The following TMEM131L variants were observed in gnomAD, a reference collection of about 807,000 sequenced individuals.
TMEM131L encodes the protein transmembrane protein 131-like.
Under a neutral mutation model 192.2 loss-of-function variants are expected in TMEM131L, and 54 were observed. The observed-to-expected ratio is 0.28, with a 90% CI of 0.23 to 0.35. The LOEUF (loss-of-function observed/expected upper bound fraction) is 0.35. Among genes scored for constraint, TMEM131L ranks in the 10% least tolerant of loss-of-function variants. The pLI is 1.00. For missense variants in TMEM131L, 1,888 were observed against 1,972.9 expected (o/e 0.96, Z 0.82); for synonymous variants, 701 against 704.9 (o/e 0.99, Z 0.09).
At chr4:153,581,343 A>C in intron 8 of TMEM131L, 64 bp from the exon 9 acceptor site, 1 of 1,345,636 alleles carries the variant, frequency 7.4e-7, no homozygotes, top group Non-Finnish European at 1.0e-6. Flanking sequence ...TTTCCTCCAT[A>C]GTTTGAAACC....
chr4:153,621,273 C>A (rs1733380682), intron 27 of TMEM131L, among the ~76,000 whole-genome samples: 1 of 152,104 alleles, frequency 6.6e-6, no homozygotes, highest in Non-Finnish European at 1.5e-5. Flanking sequence ...AGCCACTGAC[C>A]CACCTGCGCT....
chr4:153,503,823 G>A (rs1188161277), intron 3 of TMEM131L, among the ~76,000 whole-genome samples: 3 of 152,174 alleles, frequency 2.0e-5, no homozygotes, highest in Non-Finnish European at 4.4e-5. Flanking sequence ...GTAAGGTTAT[G>A]TTTTACAAAA....
chr4:153,539,454 C>T (rs1160428438), intron 3 of TMEM131L, among the ~76,000 whole-genome samples: 4 of 148,242 alleles, frequency 2.7e-5, no homozygotes, highest in Admixed American at 6.7e-5. Context: ...AAGGTTTCTG[C>T]TGCATTCCGT....
intron 3 of TMEM131L, among the ~76,000 whole-genome samples, chr4:153,505,054 A>C (rs1163923115): frequency 2.0e-5 from 3 of 151,498 alleles, no homozygotes; most frequent in African/African-American, 7.3e-5. Flanking sequence ...ATGTCTTCAC[A>C]TAGTTTTCCC....
intron 26 of TMEM131L, 94 bp from the exon 27 acceptor site, chr4:153,620,662 T>G (rs937783499): frequency 4.5e-5 from 34 of 756,572 alleles, no homozygotes; most frequent in Admixed American, 3.9e-5. Context: ...CACTGGGACA[T>G]TCTGAATTCA....
chr4:153,622,800 A>G (rs568449702), intron 28 of TMEM131L, 98 bp from the exon 29 acceptor site: 451 of 1,169,228 alleles, frequency 3.9e-4, no homozygotes, highest in Admixed American at 5.4e-4. Context: ...CTGAAGGTGA[A>G]CCTGGCCCTA....
At chr4:153,613,214 A>C (rs1032629827) in intron 26 of TMEM131L, among the ~76,000 whole-genome samples, 1 of 152,240 alleles carries the variant, frequency 6.6e-6, no homozygotes, top group African/African-American at 2.4e-5. Flanking sequence ...TAGAAGTTCA[A>C]ATAAACACGC....
intron 26 of TMEM131L, among the ~76,000 whole-genome samples, chr4:153,619,779 T>C (rs1393760781): frequency 6.6e-6 from 1 of 152,220 alleles, no homozygotes; most frequent in Non-Finnish European, 1.5e-5. Context: ...GGGCCAACCT[T>C]CTGAAAGAGA....
At chr4:153,534,211 T>A (rs1386210083) in intron 3 of TMEM131L, among the ~76,000 whole-genome samples, 1 of 152,142 alleles carries the variant, frequency 6.6e-6, no homozygotes, top group Admixed American at 6.5e-5. Flanking sequence ...TAGACCAAAA[T>A]CTAGTGGACC....
intron 3 of TMEM131L, among the ~76,000 whole-genome samples, chr4:153,507,788 C>T (rs1011964721): frequency 7.9e-5 from 12 of 152,006 alleles, no homozygotes; most frequent in Non-Finnish European, 1.3e-4. Context: ...GCTTCCTCAT[C>T]GTAATACAGC....
Position 153,621,783 on chromosome 4 carries a change from A to C in TMEM131L, c.3793A>C (p.Thr1265Pro). The C allele has an allele frequency of 6.2e-7, 1 of 1,614,216 alleles. No individual in the cohort carries two copies. The highest frequency in any genetic ancestry group is 1.1e-5 in the South Asian group (1 of 91,090). The change falls in exon 28 of 35, where the codon ACT (threonine) becomes CCT (proline). Residue 1265 changes from threonine to proline, a missense_variant. By Grantham distance (38) the Thr-to-Pro change is conservative (BLOSUM62 -1). Transcript: ENST00000409959. Reference protein sequence around the residue: ...NVRSWCIQESTREVCKADAEI... With the variant: ...NVRSWCIQESPREVCKADAEI... ...AAGAAGCTGGTGTATACAGGAAAGC[A>C]CTAGGGAGGTTTGTAAAGCAGATGC...
intron 4 of TMEM131L, among the ~76,000 whole-genome samples, chr4:153,551,439 C>T (rs952698634): frequency 6.6e-6 from 1 of 151,696 alleles, no homozygotes; most frequent in Non-Finnish European, 1.5e-5. Flanking sequence ...CTCACTGCAG[C>T]CTCCGCCTGT....
At chr4:153,479,088 GTC>G (rs368417325) in intron 3 of TMEM131L, among the ~76,000 whole-genome samples, 6 of 152,216 alleles carry the variant, frequency 3.9e-5, no homozygotes, top group African/African-American at 4.8e-5. Flanking sequence ...GAGTGAGGAG[GTC>G]TCTGTTTTAC....
intron 7 of TMEM131L, among the ~76,000 whole-genome samples, chr4:153,565,164 C>T (rs769244152): frequency 2.0e-4 from 31 of 152,318 alleles, no homozygotes; most frequent in Middle Eastern, 3.4e-3. Flanking sequence ...TGTCTCTCTC[C>T]TGCTCTTCCA....
intron 26 of TMEM131L, among the ~76,000 whole-genome samples, chr4:153,619,220 G>C (rs1283031394): frequency 1.3e-5 from 2 of 152,130 alleles, no homozygotes; most frequent in Non-Finnish European, 2.9e-5. Flanking sequence ...ATTTGTACCT[G>C]ACCTTGGAGG....
At chr4:153,503,369 G>C (rs1482850209) in intron 3 of TMEM131L, among the ~76,000 whole-genome samples, 4 of 152,184 alleles carry the variant, frequency 2.6e-5, no homozygotes, top group Non-Finnish European at 5.9e-5. Flanking sequence ...AGGTAGGATA[G>C]AGTAGGATAA....
chr4:153,564,287 CAAAAAAAAAAAA>C lies in TMEM131L; in HGVS notation c.660+5935_660+5946del, dbSNP rs1178320668. ...CTGGGAGACGAGCAAAACTCCGTCT[CAAAAAAAAAAAA>C]AAAAAAAAAAAAAAAGGCCCAAGGG... On this transcript the variant is annotated intron_variant, in intron 7 of 34. Transcript: ENST00000409959. 2.2e-3 allele frequency among the ~76,000 whole-genome samples: 39 copies of C among 17,652 alleles called. 1 individual carries two copies. The highest frequency in any genetic ancestry group is 0.014 in the Admixed American group (20 of 1,432). 11.6% of individuals were successfully genotyped at this position (17,652 alleles called of 152,430 possible). A position where few individuals can be genotyped will look rare whatever the true frequency, so the allele number is the denominator to read the frequency against.
intron 7 of TMEM131L, among the ~76,000 whole-genome samples, chr4:153,566,430 C>A (rs993416688): frequency 6.6e-6 from 1 of 151,976 alleles, no homozygotes; most frequent in Non-Finnish European, 1.5e-5. Context: ...CCACTGTGTC[C>A]GGCTGAAACT....
At chr4:153,511,480 G>A (rs1316160606) in intron 3 of TMEM131L, among the ~76,000 whole-genome samples, 1 of 152,154 alleles carries the variant, frequency 6.6e-6, no homozygotes, top group East Asian at 1.9e-4. Flanking sequence ...AACTGAAGGT[G>A]GAGGGTGCGA....
Sources: gnomAD v4.1 joint callset for allele counts (sites outside exome capture counted in the v4.1 genomes callset) on GRCh38, gnomAD v4.1.1 for gene constraint, MANE v1.5 for transcripts, NCBI Gene and HGNC (gene_info 2026-07-23, HGNC 2026-07-21) for gene names.